CBLB: variants seen among roughly 807,000 people sequenced by gnomAD.
The protein encoded by CBLB is E3 ubiquitin-protein ligase CBL-B.
CBLB carries 31 observed loss-of-function variants against 104.9 expected under a neutral mutation model. The ratio of observed to expected loss-of-function variants is 0.30; its 90% CI spans 0.22 to 0.40. CBLB has a LOEUF of 0.40. Ranked by LOEUF, CBLB falls within the 10% of genes least tolerant of loss-of-function variation. The pLI is 1.00. For synonymous variants in CBLB, 440 were observed against 422.6 expected (o/e 1.04, Z -0.51); for missense variants, 1,062 against 1,214.6 (o/e 0.87, Z 1.87).
chr3:105,850,969 AG>A (rs2090868057), intron 3 of CBLB, among the ~76,000 whole-genome samples: 1 of 152,194 alleles, frequency 6.6e-6, no homozygotes, highest in African/African-American at 2.4e-5. Flanking sequence ...CTTTCTTGAA[AG>A]TTTCTTATGT....
At chr3:105,688,654 A>G (rs560350399) in intron 13 of CBLB, among the ~76,000 whole-genome samples, 6 of 152,204 alleles carry the variant, frequency 3.9e-5, no homozygotes, top group Non-Finnish European at 7.4e-5. Flanking sequence ...TCCCAATCCT[A>G]ACAGGGAAAA....
At chr3:105,754,513 G>C (rs989091967) in intron 4 of CBLB, among the ~76,000 whole-genome samples, 1 of 103,074 alleles carries the variant, frequency 9.7e-6, no homozygotes, top group African/African-American at 4.0e-5. Context: ...GAGAGAGAGA[G>C]AGAGAGAGAC....
chr3:105,674,318 T>C (rs1407555255), intron 17 of CBLB, among the ~76,000 whole-genome samples: 1 of 152,230 alleles, frequency 6.6e-6, no homozygotes, highest in African/African-American at 2.4e-5. Flanking sequence ...TAAAACCTTT[T>C]CAACAATTGT....
intron 3 of CBLB, among the ~76,000 whole-genome samples, chr3:105,811,527 T>G (rs2084291873): frequency 6.6e-6 from 1 of 152,144 alleles, no homozygotes; most frequent in Admixed American, 6.6e-5. Context: ...GAAATATGAA[T>G]GAGCTCTGTG....
In CBLB at chr3:105,681,134, T is replaced by A. The variant is rs1221164838; in HGVS notation, c.2428+345A>T. 3 of 337,176 alleles carry A rather than the reference T, an allele frequency of 8.9e-6. No homozygotes were observed. The Admixed American group carries it at 1.3e-4, about 15-fold the overall frequency. 20.9% of individuals were successfully genotyped at this position (337,176 alleles called of 1,614,324 possible). ...ATGCTGCAAGAAAAGCAAGTTCATA[T>A]TTATTAAGAATTATTATACTTAAAG... On this transcript the variant is annotated intron_variant, in intron 16 of 18. Coordinates refer to ENST00000394030, the MANE Select transcript of CBLB (RefSeq NM_170662.5).
intron 3 of CBLB, among the ~76,000 whole-genome samples, chr3:105,847,241 T>TAATATTATTATTAATAATAA (rs1357951258): frequency 2.6e-5 from 4 of 152,212 alleles, no homozygotes; most frequent in Non-Finnish European, 5.9e-5. Context: ...TGGAGCAGAT[T>TAATATTATTATTAATAATAA]ACAAATTATT....
At chr3:105,810,150 T>C (rs1395434464) in intron 3 of CBLB, among the ~76,000 whole-genome samples, 4 of 152,316 alleles carry the variant, frequency 2.6e-5, no homozygotes, top group Middle Eastern at 3.4e-3. Context: ...GGTTCTGCTA[T>C]GAATTTATAC....
chr3:105,770,097 T>C (rs1347306410), intron 4 of CBLB, among the ~76,000 whole-genome samples: 5 of 151,856 alleles, frequency 3.3e-5, no homozygotes, highest in African/African-American at 7.3e-5. Flanking sequence ...TTTTTTTTTT[T>C]CAAGATGGCA....
At chr3:105,744,460 A>G (rs2075911683) in intron 6 of CBLB, among the ~76,000 whole-genome samples, 2 of 152,240 alleles carry the variant, frequency 1.3e-5, no homozygotes, top group Admixed American at 1.3e-4. Context: ...TCTCATGGTT[A>G]CAATGAGAAC....
In CBLB at chr3:105,734,068, C is replaced by CT; in HGVS notation, c.1143dup (p.Asp382ArgfsTer5). The stretch of plus-strand genomic sequence containing the variant: ...TGCCCACAAGGCTCAATCTTGACAT[C>CT]TTTGTCATTCTCTGCACAAATCTTA... On this transcript the variant is annotated frameshift_variant, in exon 9 of 19. Transcript: ENST00000394030. LOFTEE classifies it high-confidence loss of function. The CT allele has an allele frequency of 6.2e-7, 1 of 1,613,802 alleles. No individual in the cohort carries two copies. Among genetic ancestry groups the CT allele is most frequent in the Non-Finnish European group, 8.5e-7 (1 of 1,179,700 alleles).
rs1255800428 is a variant in CBLB at position 105,790,170 on chromosome 3, A to G, written c.420-13628T>C. On this transcript the variant is annotated intron_variant, in intron 3 of 18. Transcript: ENST00000394030. ...AAAATAATTTTAAAAACAAATTTTA[A>G]TATTTCTGTTAAACATCAAAATGAT... 2.0e-5 allele frequency among the ~76,000 whole-genome samples: 3 copies of G among 152,368 alleles called. No individual in the cohort carries two copies. In the East Asian group the frequency reaches 5.8e-4, roughly 29 times the overall value.
chr3:105,859,604 G>A (rs1021065450), intron 2 of CBLB, among the ~76,000 whole-genome samples: 21 of 146,756 alleles, frequency 1.4e-4, no homozygotes, highest in Non-Finnish European at 1.8e-4. Flanking sequence ...GCAGTGAGCC[G>A]AGATCGTGCC....
intron 13 of CBLB, among the ~76,000 whole-genome samples, chr3:105,691,402 G>A (rs1378944672): frequency 1.3e-5 from 2 of 152,146 alleles, no homozygotes; most frequent in African/African-American, 4.8e-5. Flanking sequence ...CTTACCAACT[G>A]AAGTATTAGA....
intron 18 of CBLB, among the ~76,000 whole-genome samples, chr3:105,660,969 T>C (rs961050517): frequency 4.1e-5 from 6 of 147,408 alleles, no homozygotes; most frequent in East Asian, 2.0e-4. Context: ...TCTTCTTCTT[T>C]TTTTTTTTTT....
chr3:105,815,908 A>C (rs892548032), intron 3 of CBLB, among the ~76,000 whole-genome samples: 2 of 152,208 alleles, frequency 1.3e-5, no homozygotes, highest in African/African-American at 4.8e-5. Flanking sequence ...ACATGGGTGA[A>C]GCTGGAAACC....
In CBLB at chr3:105,702,371, C is replaced by G. The variant is rs760372312; in HGVS notation, c.1682G>C (p.Arg561Thr). 2 of 1,567,762 alleles carry G rather than the reference C, an allele frequency of 1.3e-6. No homozygotes were observed. The highest frequency in any genetic ancestry group is 2.2e-5 in the South Asian group (2 of 90,176). ...LRDPPPPPPERPPPIPPDNRL... is the reference protein window; with the variant it reads ...LRDPPPPPPETPPPIPPDNRL... ...ATTGTCTGGTGGGATTGGTGGAGGT[C>G]TTTCAGGTGGCGGTGGAGGAGGATC... Residue 561 changes from arginine to threonine, a missense_variant, in exon 12 of 19, where the codon AGA becomes ACA. Arg to Thr is a moderately conservative substitution (Grantham distance 71). This residue lies in a region of CBLB where 605 missense variants were observed against 582.6 expected (regional missense o/e 1.04). Coordinates refer to ENST00000394030, the MANE Select transcript of CBLB (RefSeq NM_170662.5).
At chr3:105,797,639 A>G (rs920363677) in intron 3 of CBLB, among the ~76,000 whole-genome samples, 2 of 152,222 alleles carry the variant, frequency 1.3e-5, no homozygotes, top group African/African-American at 4.8e-5. Flanking sequence ...TCTAACCACC[A>G]AGTTTACATA....
At chr3:105,667,159 A>G (rs1280051980) in intron 18 of CBLB, among the ~76,000 whole-genome samples, 1 of 152,190 alleles carries the variant, frequency 6.6e-6, no homozygotes, top group Non-Finnish European at 1.5e-5. Flanking sequence ...TTATTTGGCA[A>G]TAAGGTCTTT....
chr3:105,661,806 T>G (rs1487727068), intron 18 of CBLB, among the ~76,000 whole-genome samples: 1 of 152,184 alleles, frequency 6.6e-6, no homozygotes, highest in African/African-American at 2.4e-5. Context: ...TATATCTGTG[T>G]TTAGAGGTAT....
Sources: allele counts gnomAD v4.1 joint callset (sites outside exome capture counted in the v4.1 genomes callset), GRCh38; gene constraint gnomAD v4.1.1; regional missense constraint gnomAD v4.1.1; transcripts MANE v1.5; gene names NCBI Gene and HGNC (gene_info 2026-07-23, HGNC 2026-07-21).